The following GAREM2 variants were observed in gnomAD, a reference collection of about 807,000 sequenced individuals.
The protein encoded by GAREM2 is GRB2 associated regulator of MAPK1 subtype 2.
Under a neutral mutation model 55.6 loss-of-function variants are expected in GAREM2, and 30 were observed. The observed-to-expected ratio is 0.54, with a 90% confidence interval of 0.40 to 0.73. The LOEUF is 0.73. Among genes scored for constraint, GAREM2 ranks in the 30% least tolerant of loss-of-function variants. GAREM2 has a pLI of 0.00. For synonymous variants in GAREM2, 550 were observed against 569.1 expected, an observed-to-expected ratio of 0.97 and a Z score of 0.48; for missense variants, 1,075 against 1,257.7, an observed-to-expected ratio of 0.85 and a Z score of 2.20.
intron 2 of GAREM2, among the ~76,000 whole-genome samples, chr2:26,178,107 G>C (rs2147723374): frequency 6.6e-6 from 1 of 152,282 alleles, no homozygotes; most frequent in East Asian, 1.9e-4. Context: ...CTGTGAAGTT[G>C]GTACCTGTGT....
chr2:26,182,449 A>G, intron 2 of GAREM2: 1 of 1,550,486 alleles, frequency 6.4e-7, no homozygotes, highest in African/African-American at 1.4e-5. Flanking sequence ...TGCCACCTCC[A>G]TGCGGATCAG....
chr2:26,192,173 A>G (rs1574600926), downstream of GAREM2: 9 of 645,282 alleles, frequency 1.4e-5, no homozygotes, highest in East Asian at 2.2e-4. Context: ...TGGCACGTGT[A>G]TACCTATGTA....
At chr2:26,192,626 A>G (rs1669542106), downstream of GAREM2, among the ~76,000 whole-genome samples, 1 of 152,064 alleles carries the variant, frequency 6.6e-6, no homozygotes, top group South Asian at 2.1e-4. Flanking sequence ...TCTCTACTAA[A>G]AATACAAAAA....
downstream of GAREM2, chr2:26,191,322 A>G (rs142120825): frequency 2.4e-5 from 38 of 1,613,900 alleles, no homozygotes; most frequent in Non-Finnish European, 3.1e-5. Context: ...ACTGTTTTCC[A>G]TAGGCAGCTT....
intron 2 of GAREM2, chr2:26,181,145 C>G (rs577530622): frequency 1.0e-6 from 1 of 984,836 alleles, no homozygotes; most frequent in Admixed American, 6.1e-5. Flanking sequence ...CATGGTATTT[C>G]TTTGCTCGAA....
the GAREM2 span, among the ~76,000 whole-genome samples, chr2:26,200,318 C>T: frequency 1.3e-5 from 2 of 152,074 alleles, no homozygotes; most frequent in Non-Finnish European, 1.5e-5. Context: ...AGGCCTTGGT[C>T]CTACCTCATC....
In GAREM2 at chr2:26,185,099, GC is replaced by G; in HGVS notation, c.1254del (p.Glu419SerfsTer59). 1.4e-6 allele frequency: 2 copies of G among 1,432,734 alleles called. No homozygotes were observed. Among genetic ancestry groups the G allele is most frequent in the Non-Finnish European group, 1.8e-6 (2 of 1,100,752 alleles). 88.8% of individuals were successfully genotyped at this position (1,432,734 alleles called of 1,614,324 possible). A position where few individuals can be genotyped will look rare whatever the true frequency, so the allele number is the denominator to read the frequency against. On this transcript the variant is annotated frameshift_variant, in exon 4 of 6. Transcript: ENST00000401533. LOFTEE classifies it high-confidence loss of function. The stretch of plus-strand genomic sequence containing the variant: ...ACGTGAGCCCCGACTGGGCAGCCGC[GC>G]CCGAGCCCGCCGCGCCGCCCGCCGA... The part of the protein sequence containing the change: ...EYVSPDWAAA[P>X]EPAAPPAEIP...
chr2:26,192,506 G>C, downstream of GAREM2: 1 of 831,942 alleles, frequency 1.2e-6, no homozygotes, highest in Non-Finnish European at 2.1e-6. Context: ...CCCTGGCCTG[G>C]CCAGGCGTGG....
downstream of GAREM2, chr2:26,191,204 C>T (rs367911534): frequency 2.6e-5 from 42 of 1,594,402 alleles, no homozygotes; most frequent in South Asian, 9.9e-5. Context: ...CCAGCACTGC[C>T]GGCAGCTGGG....
intron 2 of GAREM2, among the ~76,000 whole-genome samples, chr2:26,177,189 G>A (rs1668891106): frequency 6.6e-6 from 1 of 152,114 alleles, no homozygotes; most frequent in Non-Finnish European, 1.5e-5. Context: ...ACACATCTAG[G>A]AAAGGAAGAG....
chr2:26,204,104 G>A, the GAREM2 span: 3 of 1,613,840 alleles, frequency 1.9e-6, no homozygotes, highest in Non-Finnish European at 1.7e-6. Context: ...CGCAGTGAGG[G>A]TGGCATCTTT....
At chr2:26,193,606 A>G (rs1326504833), downstream of GAREM2, 1 of 1,613,992 alleles carries the variant, frequency 6.2e-7, no homozygotes, top group Non-Finnish European at 8.5e-7. Flanking sequence ...CATCTGTGTC[A>G]GCAGTTCTGG....
At chr2:26,198,385 T>G in the GAREM2 span, among the ~76,000 whole-genome samples, 1 of 152,090 alleles carries the variant, frequency 6.6e-6, no homozygotes, top group African/African-American at 2.4e-5. Flanking sequence ...TTTTTGTTTT[T>G]TTTTTTTAAA....
the GAREM2 span, among the ~76,000 whole-genome samples, chr2:26,201,957 G>T: frequency 1.7e-5 from 2 of 117,220 alleles, no homozygotes; most frequent in Admixed American, 8.4e-5. Context: ...ACCACGCCTG[G>T]CTAATTTTTT....
the GAREM2 span, chr2:26,197,927 G>T: frequency 2.8e-6 from 2 of 704,666 alleles, no homozygotes; most frequent in Admixed American, 2.0e-5. Flanking sequence ...GACATTGACG[G>T]ATCACCTAGG....
chr2:26,178,140 A>G (rs1668923330), intron 2 of GAREM2, among the ~76,000 whole-genome samples: 2 of 152,086 alleles, frequency 1.3e-5, no homozygotes, highest in Admixed American at 1.3e-4. Context: ...AAACCCTTAA[A>G]AGATGTGGAA....
downstream of GAREM2, chr2:26,193,615 G>A (rs144391866): frequency 6.2e-7 from 1 of 1,613,860 alleles, no homozygotes; most frequent in African/African-American, 1.3e-5. Context: ...CAGCAGTTCT[G>A]GGTTTCCACC....
intron 2 of GAREM2, among the ~76,000 whole-genome samples, chr2:26,180,128 T>C (rs1668996470): frequency 6.6e-6 from 1 of 152,134 alleles, no homozygotes; most frequent in Non-Finnish European, 1.5e-5. Flanking sequence ...AGGGCAGGCC[T>C]GGGGGCTCCC....
chr2:26,191,213 G>C (rs188331111), downstream of GAREM2: 33 of 1,602,872 alleles, frequency 2.1e-5, no homozygotes, highest in African/African-American at 3.6e-4. Flanking sequence ...CCGGCAGCTG[G>C]GGTTAGTGCA....
Sources: allele counts gnomAD v4.1 joint callset (sites outside exome capture counted in the v4.1 genomes callset), GRCh38; gene constraint gnomAD v4.1.1; transcripts MANE v1.5; gene names NCBI Gene and HGNC (gene_info 2026-07-23, HGNC 2026-07-21).